The following NFIA variants were observed in gnomAD, a reference collection of about 807,000 sequenced individuals.
NFIA encodes the protein nuclear factor 1 A-type.
Under a neutral mutation model 62.8 loss-of-function variants are expected in NFIA, and 8 were observed. That is an observed-to-expected ratio of 0.13 (90% CI 0.07 to 0.23). The LOEUF (loss-of-function observed/expected upper bound fraction) is 0.23, where lower values mean the gene tolerates loss of function less well. NFIA is among the 10% of genes least tolerant of loss of function. The probability of loss-of-function intolerance (pLI) is 1.00; values close to 1 mark genes in which losing one functional copy is unlikely to be tolerated. For synonymous variants in NFIA, 235 were observed against 238.1 expected (o/e 0.99, Z 0.12); for missense variants, 410 against 642.1 (o/e 0.64, Z 3.91).
rs916529737 is a variant in NFIA, at chr1:61,455,716, A to T, written c.*396A>T. The T allele has an allele frequency of 1.5e-5, 4 of 264,824 alleles. No individual in the cohort carries two copies. The highest frequency in any genetic ancestry group is 2.8e-5 in the Non-Finnish European group (4 of 142,346). The allele number at this position is 264,824 out of a possible 1,614,324, so 16.4% of individuals were successfully genotyped here. ...CCTGGCTGTTTCACAGTATTTCATG[A>T]ATTTACCCACACAGGTGTGATCCTC... On this transcript the variant is annotated 3_prime_UTR_variant, in exon 11 of 11. Transcript: ENST00000403491.
intron 2 of NFIA, among the ~76,000 whole-genome samples, chr1:61,137,165 A>G (rs964133219): frequency 1.3e-5 from 2 of 152,238 alleles, no homozygotes; most frequent in Admixed American, 6.5e-5. Context: ...TGACTCAAAC[A>G]TAAGAAGCAA....
At position 61,386,763 on chromosome 1, in the gene NFIA, C is replaced by T. The variant is rs1374476725; in HGVS notation, c.1075+3398C>T. Among the ~76,000 whole-genome samples, 3 of 152,154 alleles carry T rather than the reference C, an allele frequency of 2.0e-5. No individual in the cohort carries two copies. In the East Asian group the frequency reaches 5.8e-4, roughly 29 times the overall value. Reference sequence around the variant, plus strand: ...AACACAGGGCGTTGAAGGGAGGTAGCGTAGCACAGCGGTTGTCCTTGTCTG... The same window carrying T: ...AACACAGGGCGTTGAAGGGAGGTAGTGTAGCACAGCGGTTGTCCTTGTCTG... On this transcript the variant is annotated intron_variant, in intron 7 of 10. Coordinates refer to ENST00000403491, the MANE Select transcript of NFIA (RefSeq NM_001134673.4).
chr1:61,231,107 A>T (rs1186076173), intron 2 of NFIA, among the ~76,000 whole-genome samples: 1 of 152,208 alleles, frequency 6.6e-6, no homozygotes, highest in African/African-American at 2.4e-5. Context: ...CATGTAGCTC[A>T]GTGGCTGGCT....
At chr1:61,316,444 C>T (rs897842879) in intron 3 of NFIA, among the ~76,000 whole-genome samples, 4 of 152,132 alleles carry the variant, frequency 2.6e-5, no homozygotes, top group Non-Finnish European at 5.9e-5. Context: ...GACCATATGG[C>T]TCTCCTTAAG....
chr1:61,299,016 T>C (rs1015050241), intron 3 of NFIA, among the ~76,000 whole-genome samples: 2 of 152,186 alleles, frequency 1.3e-5, no homozygotes, highest in Admixed American at 6.5e-5. Context: ...CCTGAACTTA[T>C]GAAATGTACT....
At chr1:61,342,495 A>C (rs1273665314) in intron 4 of NFIA, among the ~76,000 whole-genome samples, 1 of 152,230 alleles carries the variant, frequency 6.6e-6, no homozygotes, top group Non-Finnish European at 1.5e-5. Context: ...TAAAATGCAG[A>C]AAATCAATTT....
At chr1:61,267,944 T>G (rs1657274878) in intron 2 of NFIA, among the ~76,000 whole-genome samples, 1 of 152,136 alleles carries the variant, frequency 6.6e-6, no homozygotes, top group South Asian at 2.1e-4. Context: ...ACGAGATGGA[T>G]AGGCCCAAAG....
intron 10 of NFIA, among the ~76,000 whole-genome samples, chr1:61,453,674 A>G (rs1668173649): frequency 1.3e-5 from 2 of 152,140 alleles, no homozygotes; most frequent in African/African-American, 4.8e-5. Flanking sequence ...AATAGTAAGC[A>G]TTATTCCCCG....
chr1:61,240,788 A>G (rs141518148), intron 2 of NFIA, among the ~76,000 whole-genome samples: 3 of 152,244 alleles, frequency 2.0e-5, no homozygotes, highest in Admixed American at 6.5e-5. Context: ...TGTCATTTGT[A>G]TTTCAGGTTT....
At chr1:61,137,936 C>G (rs1167333409) in intron 2 of NFIA, among the ~76,000 whole-genome samples, 3 of 150,872 alleles carry the variant, frequency 2.0e-5, no homozygotes, top group Non-Finnish European at 2.9e-5. Context: ...CTTTCTCTCT[C>G]TCTCTCTCTC....
intron 2 of NFIA, among the ~76,000 whole-genome samples, chr1:61,195,315 T>C (rs1166079919): frequency 6.6e-6 from 1 of 152,124 alleles, no homozygotes; most frequent in East Asian, 1.9e-4. Flanking sequence ...TTAATTAATA[T>C]TATCTTAGCC....
At chr1:61,142,706 A>G (rs1333466064) in intron 2 of NFIA, among the ~76,000 whole-genome samples, 2 of 152,226 alleles carry the variant, frequency 1.3e-5, no homozygotes, top group Admixed American at 6.5e-5. Flanking sequence ...CACAGTAGAT[A>G]CTAACTTTCA....
rs765827420 is a variant in NFIA at position 61,404,243 on chromosome 1, T to C, written c.1215T>C (p.Pro405=). The C allele has an allele frequency of 1.9e-6, 3 of 1,614,036 alleles. No homozygotes were observed. The highest frequency in any genetic ancestry group is 2.5e-6 in the Non-Finnish European group (3 of 1,180,014). Reference sequence around the variant, plus strand: ...AAGAATTTGTCCAACTTGTCTGCCCTGATGCTGGTCAGCAGGCTGGACAGG... The same window carrying C: ...AAGAATTTGTCCAACTTGTCTGCCCCGATGCTGGTCAGCAGGCTGGACAGG... ...TLKEFVQLVC[P]DAGQQAGQVG... is the part of the protein sequence containing the mutation. The change falls in exon 8 of 11, where the codon CCT becomes CCC. Residue 405 remains proline, a synonymous_variant. Coordinates refer to ENST00000403491, the MANE Select transcript of NFIA (RefSeq NM_001134673.4).
At chr1:61,302,140 T>C (rs1248632570) in intron 3 of NFIA, among the ~76,000 whole-genome samples, 1 of 152,198 alleles carries the variant, frequency 6.6e-6, no homozygotes, top group Non-Finnish European at 1.5e-5. Context: ...CTTTTGACCT[T>C]GTTCATTCAT....
chr1:61,197,261 C>T (rs566680681), intron 2 of NFIA, among the ~76,000 whole-genome samples: 2 of 105,354 alleles, frequency 1.9e-5, no homozygotes, highest in Admixed American at 1.3e-4. Flanking sequence ...TTTTTTGAGA[C>T]GGAGTCTCTC....
chr1:61,164,200 C>T (rs894631895), intron 2 of NFIA, among the ~76,000 whole-genome samples: 5 of 151,580 alleles, frequency 3.3e-5, no homozygotes, highest in Non-Finnish European at 4.4e-5. Flanking sequence ...TCTGTCCTGA[C>T]ATGCTTCATT....
chr1:61,154,492 C>G (rs1648651984), intron 2 of NFIA, among the ~76,000 whole-genome samples: 1 of 152,146 alleles, frequency 6.6e-6, no homozygotes, highest in South Asian at 2.1e-4. Context: ...ACTCTGTCAC[C>G]CAGACTGGAG....
intron 2 of NFIA, among the ~76,000 whole-genome samples, chr1:61,234,961 T>G (rs1654902707): frequency 6.6e-6 from 1 of 152,206 alleles, no homozygotes; most frequent in African/African-American, 2.4e-5. Context: ...TCCCCTGGCT[T>G]CTTATTTTAG....
At chr1:61,310,635 C>T (rs1246643481) in intron 3 of NFIA, among the ~76,000 whole-genome samples, 2 of 152,178 alleles carry the variant, frequency 1.3e-5, no homozygotes, top group Non-Finnish European at 2.9e-5. Context: ...TCTTCAGCCT[C>T]ATCAGTGTTC....
Sources: allele counts gnomAD v4.1 joint callset (sites outside exome capture counted in the v4.1 genomes callset), GRCh38; gene constraint gnomAD v4.1.1; transcripts MANE v1.5; gene names NCBI Gene and HGNC (gene_info 2026-07-23, HGNC 2026-07-21).